MAST4: variants seen among roughly 807,000 people sequenced by gnomAD.
MAST4 encodes microtubule-associated serine/threonine-protein kinase 4.
A neutral mutation model predicts 162.7 loss-of-function variants in MAST4; 89 were observed. The observed-to-expected ratio is 0.55, with a 90% CI of 0.46 to 0.65. The LOEUF (loss-of-function observed/expected upper bound fraction) is 0.65, where lower values mean the gene tolerates loss of function less well. Ranked by LOEUF, MAST4 falls within the 30% of genes least tolerant of loss-of-function variation. The pLI, the probability that MAST4 is intolerant of heterozygous loss-of-function variation, is 0.00. For synonymous variants in MAST4, 1,479 were observed against 1,361.1 expected (o/e 1.09, Z -1.91); for missense variants, 3,153 against 3,374.0 (o/e 0.93, Z 1.62).
intron 5 of MAST4, among the ~76,000 whole-genome samples, chr5:67,081,917 T>G (rs1221070423): frequency 6.6e-6 from 1 of 152,056 alleles, no homozygotes; most frequent in Non-Finnish European, 1.5e-5. Flanking sequence ...AAGGGAAAAA[T>G]AATAACTTGA....
At chr5:66,609,052 AT>A (rs33928003) in intron 1 of MAST4, among the ~76,000 whole-genome samples, 10,871 of 130,032 alleles carry the variant, frequency 0.084, 528 homozygotes, top group East Asian at 0.31. Flanking sequence ...TCTCCCTTAG[AT>A]TTTTTTTTTT....
intron 23 of MAST4, among the ~76,000 whole-genome samples, chr5:67,145,626 A>G (rs1770992272): frequency 6.6e-6 from 1 of 152,128 alleles, no homozygotes; most frequent in African/African-American, 2.4e-5. Flanking sequence ...TTGGGGCCAA[A>G]CTTCACTTTC....
At chr5:66,717,613 C>T (rs1472605690) in intron 1 of MAST4, among the ~76,000 whole-genome samples, 1 of 152,180 alleles carries the variant, frequency 6.6e-6, no homozygotes, top group Non-Finnish European at 1.5e-5. Context: ...ATGAGTTTCT[C>T]ACTCCACTTG....
At chr5:66,939,783 C>T (rs1356779134) in intron 4 of MAST4, among the ~76,000 whole-genome samples, 2 of 151,712 alleles carry the variant, frequency 1.3e-5, no homozygotes, top group African/African-American at 2.4e-5. Context: ...CGTAAAGTGA[C>T]TGCAATAAAA....
At chr5:66,776,088 T>C (rs2149648641) in intron 2 of MAST4, among the ~76,000 whole-genome samples, 1 of 152,356 alleles carries the variant, frequency 6.6e-6, no homozygotes, top group African/African-American at 2.4e-5. Context: ...AAGAGTTTCC[T>C]TGTAAAAATA....
intron 18 of MAST4, among the ~76,000 whole-genome samples, chr5:67,134,972 G>A (rs1769432600): frequency 6.6e-6 from 1 of 152,172 alleles, no homozygotes; most frequent in Admixed American, 6.6e-5. Flanking sequence ...GGAAATTGGT[G>A]TGGGATTTAC....
intron 1 of MAST4, among the ~76,000 whole-genome samples, chr5:66,640,942 G>A (rs1280936869): frequency 1.3e-5 from 2 of 152,066 alleles, no homozygotes; most frequent in Non-Finnish European, 2.9e-5. Context: ...TCTCATTGTG[G>A]TTTTGATTTA....
chr5:67,136,993 G>A (rs1769736129), intron 19 of MAST4, among the ~76,000 whole-genome samples: 1 of 152,188 alleles, frequency 6.6e-6, no homozygotes. Flanking sequence ...ATCCCGAAAA[G>A]CATGCATCTT....
chr5:67,152,778 G>A lies in MAST4; in HGVS notation c.3437G>A (p.Ser1146Asn). The change falls in exon 25 of 29, where the codon AGT becomes AAT. Residue 1146 changes from serine (S) to asparagine (N), a missense_variant. Ser to Asn is a conservative substitution (Grantham distance 46). Coordinates refer to ENST00000403625, the MANE Select transcript of MAST4 (RefSeq NM_001164664.2). ...CCACATCAGCCGATTGTGATCCACAGTTCGGGGAAGAACTACGGCTTTACC... is the reference window on the plus strand; with the variant it reads ...CCACATCAGCCGATTGTGATCCACAATTCGGGGAAGAACTACGGCTTTACC... The part of the protein sequence containing the change: ...ASPHQPIVIH[S>N]SGKNYGFTIR... 6.2e-7 allele frequency: 1 copy of A among 1,614,088 alleles called. No homozygotes were observed. Among genetic ancestry groups the A allele is most frequent in the Non-Finnish European group, 8.5e-7 (1 of 1,179,904 alleles).
intron 2 of MAST4, among the ~76,000 whole-genome samples, chr5:66,784,224 G>C (rs1316062165): frequency 6.6e-6 from 1 of 152,120 alleles, no homozygotes; most frequent in South Asian, 2.1e-4. Context: ...GGAGTTGAGG[G>C]AATGTGCTCC....
intron 1 of MAST4, among the ~76,000 whole-genome samples, chr5:66,740,747 C>T (rs1351857333): frequency 1.3e-5 from 2 of 152,110 alleles, no homozygotes; most frequent in Non-Finnish European, 2.9e-5. Flanking sequence ...CAGGTACAGT[C>T]GTCGCTCAAG....
chr5:66,597,049 G>T, intron 1 of MAST4, 31 bp downstream of exon 1: 1 of 1,398,164 alleles, frequency 7.2e-7, no homozygotes, highest in South Asian at 1.6e-5. Context: ...CCCACTCTGG[G>T]TTCCGGCAGC....
intron 3 of MAST4, among the ~76,000 whole-genome samples, chr5:66,885,970 T>G (rs2149925597): frequency 6.6e-6 from 1 of 152,320 alleles, no homozygotes; most frequent in South Asian, 2.1e-4. Context: ...ATTATTTCAT[T>G]TAGTCCTCAC....
At chr5:66,703,927 AAAC>A (rs1749950054) in intron 1 of MAST4, among the ~76,000 whole-genome samples, 1 of 152,214 alleles carries the variant, frequency 6.6e-6, no homozygotes, top group South Asian at 2.1e-4. Context: ...TTAACACAAC[AAAC>A]AACATTACCT....
At chr5:66,847,843 A>T (rs975635693) in intron 3 of MAST4, among the ~76,000 whole-genome samples, 17 of 150,318 alleles carry the variant, frequency 1.1e-4, no homozygotes, top group African/African-American at 3.9e-4. Flanking sequence ...AAAAAAAAAA[A>T]GAAAAACCTT....
At chr5:66,964,123 T>A (rs1746355367) in intron 4 of MAST4, 1 of 488,702 alleles carries the variant, frequency 2.0e-6, no homozygotes. Context: ...TCCTAATTCC[T>A]ATGAGAGTAT....
chr5:66,740,222 G>C (rs1219454730), intron 1 of MAST4, among the ~76,000 whole-genome samples: 1 of 152,200 alleles, frequency 6.6e-6, no homozygotes, highest in Non-Finnish European at 1.5e-5. Flanking sequence ...TCTTAAAAGA[G>C]ACAGCAGAGG....
At chr5:66,732,861 G>C (rs924001744) in intron 1 of MAST4, among the ~76,000 whole-genome samples, 2 of 152,142 alleles carry the variant, frequency 1.3e-5, no homozygotes, top group South Asian at 2.1e-4. Context: ...CTTTCCTTTA[G>C]CTTTCTTCTT....
At chr5:67,049,020 T>TACATATATATATATAC (rs1757745985) in intron 4 of MAST4, among the ~76,000 whole-genome samples, 3 of 102,914 alleles carry the variant, frequency 2.9e-5, no homozygotes, top group African/African-American at 4.1e-5. Flanking sequence ...TATATATATA[T>TACATATATATATATAC]ACGTATATAT....
Sources: gnomAD v4.1 joint callset for allele counts (sites outside exome capture counted in the v4.1 genomes callset) on GRCh38, gnomAD v4.1.1 for gene constraint, MANE v1.5 for transcripts, NCBI Gene and HGNC (gene_info 2026-07-23, HGNC 2026-07-21) for gene names.